RAMP1: variants seen among roughly 807,000 people sequenced by gnomAD.
The protein encoded by RAMP1 is receptor activity-modifying protein 1.
In RAMP1, 7 loss-of-function variants were observed where a neutral mutation model predicts 8.2. That is an observed-to-expected ratio of 0.85 (90% CI 0.49 to 1.60). RAMP1 has a LOEUF of 1.60. Among genes scored for constraint, RAMP1 ranks in the 40% most tolerant of loss-of-function variants. The pLI is 0.00. For missense variants in RAMP1, 192 were observed against 202.4 expected, an observed-to-expected ratio of 0.95 and a Z score of 0.31; for synonymous variants, 92 against 84.7, an observed-to-expected ratio of 1.09 and a Z score of -0.47.
At chr2:237,897,302 A>G (rs2062551303) in intron 2 of RAMP1, among the ~76,000 whole-genome samples, 1 of 152,230 alleles carries the variant, frequency 6.6e-6, no homozygotes, top group Admixed American at 6.5e-5. Flanking sequence ...AGGGGAGGTG[A>G]GAATAAGGCC....
At chr2:237,897,946 G>A (rs2062559842) in intron 2 of RAMP1, among the ~76,000 whole-genome samples, 2 of 152,038 alleles carry the variant, frequency 1.3e-5, no homozygotes. Flanking sequence ...CCACAGGCGT[G>A]CACCACCACG....
intron 2 of RAMP1, among the ~76,000 whole-genome samples, chr2:237,908,407 C>T (rs928424049): frequency 9.4e-5 from 6 of 63,980 alleles, no homozygotes; most frequent in Non-Finnish European, 2.4e-4. Context: ...TGAGAAGAGA[C>T]CTCTGGTGGT....
chr2:237,899,639 C>T (rs2062578626), intron 2 of RAMP1, among the ~76,000 whole-genome samples: 1 of 152,160 alleles, frequency 6.6e-6, no homozygotes, highest in African/African-American at 2.4e-5. Flanking sequence ...ACTTGAGTGT[C>T]TATTTATAGG....
intron 2 of RAMP1, among the ~76,000 whole-genome samples, chr2:237,895,096 G>A (rs1013567711): frequency 2.0e-5 from 3 of 152,144 alleles, no homozygotes; most frequent in South Asian, 2.1e-4. Flanking sequence ...CTGGAGCCAC[G>A]GCCCCCCAGC....
chr2:237,894,805 G>A (rs920349093), intron 2 of RAMP1, among the ~76,000 whole-genome samples: 5 of 152,166 alleles, frequency 3.3e-5, no homozygotes, highest in Non-Finnish European at 7.3e-5. Flanking sequence ...GTGGCTCCCC[G>A]TGGTGCACAA....
At chr2:237,875,340 G>A (rs1285475176) in intron 1 of RAMP1, among the ~76,000 whole-genome samples, 1 of 151,998 alleles carries the variant, frequency 6.6e-6, no homozygotes, top group Non-Finnish European at 1.5e-5. Context: ...CTGTCGGGAA[G>A]CAGCATGGAC....
intron 1 of RAMP1, among the ~76,000 whole-genome samples, chr2:237,863,643 C>T (rs2062152556): frequency 6.6e-6 from 1 of 152,186 alleles, no homozygotes; most frequent in Non-Finnish European, 1.5e-5. Flanking sequence ...ATCACTTTAA[C>T]CATCTTTTAA....
intron 2 of RAMP1, among the ~76,000 whole-genome samples, chr2:237,897,421 T>C (rs546933047): frequency 1.3e-5 from 2 of 152,328 alleles, no homozygotes; most frequent in African/African-American, 4.8e-5. Context: ...GCAGGAGGAA[T>C]TGTGGCCTCC....
chr2:237,907,784 T>A (rs1382630232), intron 2 of RAMP1, among the ~76,000 whole-genome samples: 1 of 152,256 alleles, frequency 6.6e-6, no homozygotes, highest in East Asian at 1.9e-4. Context: ...ATCTAGGTCG[T>A]CTCTGAGTCT....
At chr2:237,881,393 G>A (rs996421808) in intron 2 of RAMP1, among the ~76,000 whole-genome samples, 13 of 152,322 alleles carry the variant, frequency 8.5e-5, no homozygotes, top group African/African-American at 2.6e-4. Flanking sequence ...ATGGCCTCAC[G>A]CATCCGTGTT....
At chr2:237,883,155 T>G (rs1244016442) in intron 2 of RAMP1, among the ~76,000 whole-genome samples, 1 of 152,124 alleles carries the variant, frequency 6.6e-6, no homozygotes, top group African/African-American at 2.4e-5. Context: ...CAGGAGCCTC[T>G]GGGCCAGAGC....
At position 237,877,392 on chromosome 2, in the gene RAMP1, C is replaced by A. The variant is rs772822050; in HGVS notation, c.191+30C>A. 1.9e-6 allele frequency: 3 copies of A among 1,598,192 alleles called. No homozygotes were observed. The highest frequency in any genetic ancestry group is 2.6e-6 in the Non-Finnish European group (3 of 1,171,986). On this transcript the variant is annotated intron_variant, in intron 2 of 2. Transcript: ENST00000254661. The surrounding 1 kb of genome is among the most constrained non-coding windows in gnomAD (Gnocchi z 4.4). ...GTCCCATGGCCCCTGGTGGGCAGGACACGGTTGGGGAGGGAGAGGGGGCAA... is the reference window on the plus strand; with the variant it reads ...GTCCCATGGCCCCTGGTGGGCAGGAAACGGTTGGGGAGGGAGAGGGGGCAA...
In RAMP1 at chr2:237,877,492, G is replaced by T. The variant is rs183713343; in HGVS notation, c.191+130G>T. ...CCCGGAAGGGTTCTTCCCCCAGTGGGGGGGGCCGGGATGAAGACAGAGGAG... is the reference window on the plus strand; with the variant it reads ...CCCGGAAGGGTTCTTCCCCCAGTGGTGGGGGCCGGGATGAAGACAGAGGAG... On this transcript the variant is annotated intron_variant, in intron 2 of 2. Coordinates refer to ENST00000254661, the MANE Select transcript of RAMP1 (RefSeq NM_005855.4). This position sits in a 1 kb window ranked among gnomAD's most constrained non-coding sequence, Gnocchi z 4.4. The T allele has an allele frequency of 4.1e-5, 52 of 1,267,584 alleles. No homozygotes were observed. The highest frequency in any genetic ancestry group is 3.2e-4 in the South Asian group (21 of 66,174). 78.5% of individuals were successfully genotyped at this position (1,267,584 alleles called of 1,614,324 possible). A position where few individuals can be genotyped will look rare whatever the true frequency, so the allele number is the denominator to read the frequency against.
At chr2:237,904,134 C>G (rs1196776776) in intron 2 of RAMP1, among the ~76,000 whole-genome samples, 1 of 152,208 alleles carries the variant, frequency 6.6e-6, no homozygotes, top group East Asian at 1.9e-4. Flanking sequence ...AAATATTGGG[C>G]CGGGCTCAGT....
At chr2:237,893,951 G>A (rs1035980338) in intron 2 of RAMP1, among the ~76,000 whole-genome samples, 4 of 141,570 alleles carry the variant, frequency 2.8e-5, no homozygotes, top group East Asian at 2.2e-4. Flanking sequence ...AAAAAAATAA[G>A]TAAAAATAAA....
intron 1 of RAMP1, among the ~76,000 whole-genome samples, chr2:237,876,142 C>T (rs2062300845): frequency 6.6e-6 from 1 of 152,202 alleles, no homozygotes; most frequent in Non-Finnish European, 1.5e-5. Context: ...CTGCGTTTTA[C>T]TCAGCAGTCC....
At chr2:237,887,854 C>G (rs1435297451) in intron 2 of RAMP1, among the ~76,000 whole-genome samples, 1 of 152,156 alleles carries the variant, frequency 6.6e-6, no homozygotes, top group African/African-American at 2.4e-5. Context: ...TCGCCTCGGC[C>G]CAGGAGGTTG....
In RAMP1 at chr2:237,865,286, AGCAGGGGAGAGGAGAGGAGGGGAGG is replaced by A. The variant is rs1200043347; in HGVS notation, c.52+5570_52+5594del. Among the ~76,000 whole-genome samples, 20 of 93,984 alleles carry A rather than the reference AGCAGGGGAGAGGAGAGGAGGGGAGG, an allele frequency of 2.1e-4. No homozygotes were observed. The highest frequency in any genetic ancestry group is 8.3e-4 in the African/African-American group (20 of 23,988). 61.7% of individuals were successfully genotyped at this position (93,984 alleles called of 152,430 possible). Reference sequence around the variant, plus strand: ...AAGAGAGGAGAGGAGGGGAGGGGAGAGCAGGGGAGAGGAGAGGAGGGGAGGGCAGGGGAGAAGAGAGGAGGGGAGG... The same window carrying A: ...AAGAGAGGAGAGGAGGGGAGGGGAGAGCAGGGGAGAAGAGAGGAGGGGAGG... On this transcript the variant is annotated intron_variant, in intron 1 of 2. Transcript: ENST00000254661. This position sits in a 1 kb window ranked among gnomAD's most constrained non-coding sequence, Gnocchi z 4.2.
At chr2:237,902,075 A>G (rs1185718191) in intron 2 of RAMP1, among the ~76,000 whole-genome samples, 1 of 152,092 alleles carries the variant, frequency 6.6e-6, no homozygotes, top group Non-Finnish European at 1.5e-5. Flanking sequence ...CCCAGGCTTC[A>G]GGTGGAGGAG....
Sources: allele counts gnomAD v4.1 joint callset (sites outside exome capture counted in the v4.1 genomes callset), GRCh38; gene constraint gnomAD v4.1.1; non-coding constraint Gnocchi (gnomAD v3.1); transcripts MANE v1.5; gene names NCBI Gene and HGNC (gene_info 2026-07-23, HGNC 2026-07-21).